The following ANKS1B variants were observed in gnomAD, a reference collection of about 807,000 sequenced individuals.
ANKS1B encodes ankyrin repeat and sterile alpha motif domain containing 1B.
In ANKS1B, 36 loss-of-function variants were observed where a neutral mutation model predicts 148.3. The ratio of observed to expected loss-of-function variants is 0.24; its 90% confidence interval spans 0.19 to 0.32. ANKS1B has a LOEUF of 0.32. Among genes scored for constraint, ANKS1B ranks in the 10% least tolerant of loss-of-function variants. The probability of loss-of-function intolerance (pLI) is 1.00; values close to 1 mark genes in which losing one functional copy is unlikely to be tolerated. For missense variants in ANKS1B, 1,157 were observed against 1,542.6 expected, an observed-to-expected ratio of 0.75 and a Z score of 4.19; for synonymous variants, 542 against 560.8, an observed-to-expected ratio of 0.97 and a Z score of 0.47.
At chr12:99,975,545 G>A (rs1436661532) in intron 1 of ANKS1B, among the ~76,000 whole-genome samples, 1 of 152,140 alleles carries the variant, frequency 6.6e-6, no homozygotes, top group Non-Finnish European at 1.5e-5. Flanking sequence ...TCTCACTGTG[G>A]TTTTGATTTG....
intron 16 of ANKS1B, among the ~76,000 whole-genome samples, chr12:99,064,627 A>G (rs1459990466): frequency 1.3e-5 from 2 of 152,256 alleles, no homozygotes; most frequent in African/African-American, 4.8e-5. Context: ...GCCGTGTGTG[A>G]GAGCTACTAG....
At chr12:99,766,010 C>A (rs565330242) in intron 8 of ANKS1B, among the ~76,000 whole-genome samples, 3 of 152,098 alleles carry the variant, frequency 2.0e-5, no homozygotes, top group African/African-American at 7.2e-5. Context: ...AAGTTATCTC[C>A]CTAAGAAAGA....
Position 99,929,638 on chromosome 12 carries a change from A to G in ANKS1B, c.134+54466T>C, listed in dbSNP as rs529244921. On this transcript the variant is annotated intron_variant, in intron 1 of 26. Coordinates refer to ENST00000683438, the MANE Select transcript of ANKS1B (RefSeq NM_001352186.2). ...GGGTTTTTATGGTTTTAGGTCTAAC[A>G]TTTAAGTCTTTAATCCATCTTGAAT... Among the ~76,000 whole-genome samples the G allele has an allele frequency of 2.9e-3, 438 of 152,238 alleles. 1 individual carries two copies. The highest frequency in any genetic ancestry group is 0.01 in the African/African-American group (417 of 41,528).
chr12:99,096,073 C>T (rs2055999174), intron 15 of ANKS1B, among the ~76,000 whole-genome samples: 1 of 152,092 alleles, frequency 6.6e-6, no homozygotes, highest in Non-Finnish European at 1.5e-5. Context: ...TTACATAAAC[C>T]TGGTATTCTA....
intron 12 of ANKS1B, among the ~76,000 whole-genome samples, chr12:99,363,580 T>C (rs773320552): frequency 6.6e-6 from 1 of 152,150 alleles, no homozygotes; most frequent in Non-Finnish European, 1.5e-5. Flanking sequence ...AGCTTAAGCT[T>C]CAGGACCCTT....
At chr12:98,901,855 G>A (rs1019150575) in intron 17 of ANKS1B, among the ~76,000 whole-genome samples, 5 of 152,240 alleles carry the variant, frequency 3.3e-5, no homozygotes, top group Middle Eastern at 3.4e-3. Context: ...CAGAAGCAGC[G>A]TGGCTCTTCC....
intron 9 of ANKS1B, among the ~76,000 whole-genome samples, chr12:99,629,172 T>A (rs1303714932): frequency 6.6e-6 from 1 of 152,178 alleles, no homozygotes; most frequent in Non-Finnish European, 1.5e-5. Context: ...TCTAACCTTT[T>A]ACAGAGTTGC....
intron 22 of ANKS1B, among the ~76,000 whole-genome samples, chr12:98,784,328 C>T (rs1391909034): frequency 6.6e-6 from 1 of 152,040 alleles, no homozygotes; most frequent in Non-Finnish European, 1.5e-5. Flanking sequence ...GGGGCAGAAA[C>T]AAGAGCTAAT....
intron 8 of ANKS1B, among the ~76,000 whole-genome samples, chr12:99,745,238 A>G (rs1292645873): frequency 1.3e-5 from 2 of 152,204 alleles, no homozygotes; most frequent in African/African-American, 4.8e-5. Flanking sequence ...GTGCACATGC[A>G]TAAAGAACCA....
intron 12 of ANKS1B, among the ~76,000 whole-genome samples, chr12:99,314,692 T>G (rs912608596): frequency 6.6e-6 from 1 of 152,042 alleles, no homozygotes; most frequent in Non-Finnish European, 1.5e-5. Flanking sequence ...CAATAAATGG[T>G]GGTGGGAAAA....
chr12:98,890,623 T>C (rs1436303823), intron 17 of ANKS1B, among the ~76,000 whole-genome samples: 2 of 152,246 alleles, frequency 1.3e-5, no homozygotes, highest in East Asian at 1.9e-4. Flanking sequence ...TACCACTTGT[T>C]GCAGTTACAA....
rs2098976401 is a variant in ANKS1B, at chr12:98,798,916, G to C, written c.3342+18C>G. 1 of 1,604,630 alleles carries C rather than the reference G, an allele frequency of 6.2e-7. No homozygotes were observed. Among genetic ancestry groups the C allele is most frequent in the East Asian group, 2.2e-5 (1 of 44,660 alleles). ...TAGTATTTCAGCTACTAGAAATAAA[G>C]TAGTTTGGCAGACTTACCCGCATTT... On this transcript the variant is annotated intron_variant, in intron 22 of 26. Transcript: ENST00000683438.
intron 14 of ANKS1B, among the ~76,000 whole-genome samples, chr12:99,192,548 C>A (rs1038027655): frequency 2.0e-5 from 3 of 152,052 alleles, no homozygotes; most frequent in Admixed American, 6.6e-5. Context: ...ATAATTATTT[C>A]TTTTGTTAGC....
downstream of ANKS1B, among the ~76,000 whole-genome samples, chr12:98,742,927 C>A: frequency 6.6e-6 from 1 of 152,306 alleles, no homozygotes; most frequent in East Asian, 1.9e-4. Context: ...AGTTAGTTAC[C>A]CAACTTTATT....
intron 8 of ANKS1B, among the ~76,000 whole-genome samples, chr12:99,718,586 C>T (rs1280812578): frequency 6.6e-6 from 1 of 152,206 alleles, no homozygotes; most frequent in African/African-American, 2.4e-5. Context: ...TACAATTCCC[C>T]TATTTTACCT....
chr12:99,532,885 C>T (rs1185557284), intron 9 of ANKS1B, among the ~76,000 whole-genome samples: 1 of 152,060 alleles, frequency 6.6e-6, no homozygotes, highest in Non-Finnish European at 1.5e-5. Flanking sequence ...TGTCTCTGTG[C>T]CTATTTTATA....
chr12:99,630,214 A>C (rs1472521106), intron 9 of ANKS1B, among the ~76,000 whole-genome samples: 1 of 152,150 alleles, frequency 6.6e-6, no homozygotes. Context: ...CAGGATTCAA[A>C]TCAGAATAAG....
intron 9 of ANKS1B, among the ~76,000 whole-genome samples, chr12:99,639,807 T>C (rs908273528): frequency 2.0e-5 from 3 of 152,162 alleles, no homozygotes; most frequent in South Asian, 2.1e-4. Context: ...CCTCTTTCCT[T>C]TATAAATTAC....
chr12:99,059,415 T>C lies in ANKS1B; in HGVS notation c.2626-6106A>G, dbSNP rs145492093. The stretch of plus-strand genomic sequence containing the variant: ...CTTGGTATCCATTTGTGGGAGAGAT[T>C]TGTATTTTGTACTCCATGTTATGAA... On this transcript the variant is annotated intron_variant, in intron 16 of 26. Transcript: ENST00000683438. 7.1e-3 allele frequency among the ~76,000 whole-genome samples: 1,084 copies of C among 152,330 alleles called. 13 individuals carry two copies. Among genetic ancestry groups the C allele is most frequent in the South Asian group, 0.047 (226 of 4,828 alleles).
Sources: gnomAD v4.1 joint callset for allele counts (sites outside exome capture counted in the v4.1 genomes callset) on GRCh38, gnomAD v4.1.1 for gene constraint, MANE v1.5 for transcripts, NCBI Gene and HGNC (gene_info 2026-07-23, HGNC 2026-07-21) for gene names.